The following TENM2 variants were observed in gnomAD, a reference collection of about 807,000 sequenced individuals.
The protein encoded by TENM2 is teneurin-2.
TENM2 carries 52 observed loss-of-function variants against 245.2 expected under a neutral mutation model. The ratio of observed to expected loss-of-function variants is 0.21; its 90% CI spans 0.17 to 0.27. The LOEUF is 0.27. Among genes scored for constraint, TENM2 ranks in the 10% least tolerant of loss-of-function variants. The pLI is 1.00. For missense variants in TENM2, 3,046 were observed against 3,666.8 expected (o/e 0.83, Z 4.37); for synonymous variants, 1,363 against 1,438.9 (o/e 0.95, Z 1.19).
intron 12 of TENM2, among the ~76,000 whole-genome samples, chr5:168,142,530 G>A (rs573359565): frequency 1.3e-5 from 2 of 152,310 alleles, no homozygotes; most frequent in African/African-American, 2.4e-5. Flanking sequence ...ATGACAGTGA[G>A]GTAAAAAGCT....
chr5:167,761,652 C>T (rs944148298), intron 2 of TENM2, among the ~76,000 whole-genome samples: 5 of 152,158 alleles, frequency 3.3e-5, no homozygotes, highest in African/African-American at 1.2e-4. Flanking sequence ...CATCAAGTAG[C>T]ACTTACACAG....
chr5:167,164,910 G>T, the TENM2 span: 1 of 152,152 alleles, frequency 6.6e-6, no homozygotes, highest in Non-Finnish European at 1.5e-5. Flanking sequence ...ATGACCCAAA[G>T]ATTTTGATGA....
intron 2 of TENM2, among the ~76,000 whole-genome samples, chr5:167,446,810 C>CACAT (rs1338173280): frequency 6.6e-6 from 1 of 151,520 alleles, no homozygotes; most frequent in Non-Finnish European, 1.5e-5. Context: ...CACACACACA[C>CACAT]ACACACACAC....
chr5:167,206,004 C>T, the TENM2 span, among the ~76,000 whole-genome samples: 12 of 152,306 alleles, frequency 7.9e-5, no homozygotes, highest in East Asian at 3.9e-4. Flanking sequence ...ACCTGGGAAA[C>T]GCAGGATAAT....
chr5:168,122,316 AC>A (rs1330616522), intron 10 of TENM2, among the ~76,000 whole-genome samples: 1 of 152,210 alleles, frequency 6.6e-6, no homozygotes, highest in Non-Finnish European at 1.5e-5. Context: ...AGCTGGGACT[AC>A]AGGCACCGGC....
intron 2 of TENM2, among the ~76,000 whole-genome samples, chr5:167,775,219 C>T (rs535887056): frequency 4.4e-4 from 67 of 152,218 alleles, no homozygotes; most frequent in African/African-American, 1.4e-3. Context: ...CTGCCCGCCT[C>T]GGCCTCCCAA....
At chr5:167,727,374 G>A (rs4302613) in intron 2 of TENM2, among the ~76,000 whole-genome samples, 28,968 of 152,048 alleles carry the variant, frequency 0.19, 3,127 homozygotes, top group East Asian at 0.41. Context: ...AGCCTCCCAG[G>A]GTGCTGGGAT....
exon 29 of TENM2, chr5:168,262,716 G>A (rs1223633486): frequency 1.2e-6 from 2 of 1,611,338 alleles, no homozygotes; most frequent in Non-Finnish European, 1.7e-6. Flanking sequence ...GGGTACGAGG[G>A]ATATTACGTG....
the TENM2 span, among the ~76,000 whole-genome samples, chr5:167,060,378 C>T: frequency 0.03 from 4,552 of 152,086 alleles, 234 homozygotes; most frequent in African/African-American, 0.1. Flanking sequence ...GAAGGCCAGG[C>T]GCTGTGGGTC....
At chr5:167,561,188 A>C (rs1157188094) in intron 2 of TENM2, among the ~76,000 whole-genome samples, 3 of 152,226 alleles carry the variant, frequency 2.0e-5, no homozygotes, top group Non-Finnish European at 2.9e-5. Flanking sequence ...CCTTTGGTAC[A>C]GAATCACACC....
At chr5:168,224,376 C>A (rs79480372) in intron 23 of TENM2, among the ~76,000 whole-genome samples, 1 of 152,174 alleles carries the variant, frequency 6.6e-6, no homozygotes, top group Non-Finnish European at 1.5e-5. Flanking sequence ...TTAGGCAGCG[C>A]GGTGTACAGC....
At chr5:167,904,682 G>A (rs1044663010) in intron 3 of TENM2, among the ~76,000 whole-genome samples, 3 of 152,056 alleles carry the variant, frequency 2.0e-5, no homozygotes, top group Non-Finnish European at 4.4e-5. Context: ...CCCTGTGTCT[G>A]TCTTGTATTC....
intron 2 of TENM2, among the ~76,000 whole-genome samples, chr5:167,836,086 C>T (rs1768964177): frequency 6.6e-6 from 1 of 152,152 alleles, no homozygotes; most frequent in African/African-American, 2.4e-5. Context: ...TTACTTTCTA[C>T]ACAAGATAGC....
chr5:167,169,555 G>C, the TENM2 span, among the ~76,000 whole-genome samples: 2 of 152,108 alleles, frequency 1.3e-5, no homozygotes, highest in East Asian at 3.9e-4. Context: ...TGTCCTCCCA[G>C]TGTCATTTTG....
At chr5:167,011,095 T>G in the TENM2 span, among the ~76,000 whole-genome samples, 1 of 152,212 alleles carries the variant, frequency 6.6e-6, no homozygotes, top group African/African-American at 2.4e-5. Flanking sequence ...TAGGACATAT[T>G]GACATATAAA....
chr5:167,907,735 T>C (rs886531543), intron 3 of TENM2, among the ~76,000 whole-genome samples: 1 of 150,652 alleles, frequency 6.6e-6, no homozygotes, highest in African/African-American at 2.4e-5. Flanking sequence ...AGACTCCATT[T>C]CTACAATAAA....
chr5:167,945,805 G>C (rs1041963512), intron 3 of TENM2, among the ~76,000 whole-genome samples: 1 of 152,210 alleles, frequency 6.6e-6, no homozygotes, highest in South Asian at 2.1e-4. Context: ...AGGCTGAGCG[G>C]GGTGCTTCCT....
chr5:167,512,798 G>T (rs931140785), intron 2 of TENM2, among the ~76,000 whole-genome samples: 1 of 152,076 alleles, frequency 6.6e-6, no homozygotes, highest in Admixed American at 6.6e-5. Flanking sequence ...CCTTTTTGGT[G>T]TCTATTTTTA....
At chr5:167,995,397 T>A (rs1311593298) in intron 5 of TENM2, among the ~76,000 whole-genome samples, 2 of 152,256 alleles carry the variant, frequency 1.3e-5, no homozygotes, top group African/African-American at 4.8e-5. Context: ...TCATAATCCA[T>A]CATTTCCTAT....
Sources: allele counts gnomAD v4.1 joint callset (sites outside exome capture counted in the v4.1 genomes callset), GRCh38; gene constraint gnomAD v4.1.1; transcripts MANE v1.5; gene names NCBI Gene and HGNC (gene_info 2026-07-23, HGNC 2026-07-21).